The following KDM6B variants were observed in gnomAD, a reference collection of about 807,000 sequenced individuals.
KDM6B encodes lysine demethylase 6B, also known as lysine-specific demethylase 6B.
A neutral mutation model predicts 150.4 loss-of-function variants in KDM6B; 22 were observed. The observed-to-expected ratio is 0.15, with a 90% CI of 0.10 to 0.21. The LOEUF (loss-of-function observed/expected upper bound fraction) is 0.21, where lower values mean the gene tolerates loss of function less well. Among genes scored for constraint, KDM6B ranks in the 10% least tolerant of loss-of-function variants. KDM6B has a pLI of 1.00. For synonymous variants in KDM6B, 1,148 were observed against 921.1 expected (o/e 1.25, Z -4.46); for missense variants, 1,984 against 2,234.3 (o/e 0.89, Z 2.26).
chr17:7,852,787 G>C (rs968456075), intron 21 of KDM6B, 151 bp downstream of exon 21: 1 of 1,298,236 alleles, frequency 7.7e-7, no homozygotes, highest in African/African-American at 1.5e-5. Context: ...CTAGGTCCTT[G>C]CTGTCATGAC....
chr17:7,847,279 G>C lies in KDM6B; in HGVS notation c.1084G>C (p.Glu362Gln). The change falls in exon 11 of 24, where the codon GAG (glutamate) becomes CAG (glutamine). Residue 362 changes from glutamate (E) to glutamine (Q), a missense_variant. This residue lies in a region of KDM6B where 1,379 missense variants were observed against 1,275.6 expected (regional missense o/e 1.08). Coordinates refer to ENST00000448097, the MANE Select transcript of KDM6B (RefSeq NM_001348716.2). ...ATRPPGSDLR[E>Q]SRVQRSRMDS... is the part of the protein sequence containing the mutation. ...CCGTCCCCCCGGAAGTGACCTTAGA[G>C]AGAGCAGAGTTCAGAGGTCGCGGAT... is the stretch of plus-strand genomic sequence containing the variant. 7 of 1,605,250 alleles carry C rather than the reference G, an allele frequency of 4.4e-6. No individual in the cohort carries two copies. Among genetic ancestry groups the C allele is most frequent in the Non-Finnish European group, 5.9e-6 (7 of 1,179,792 alleles).
At position 7,847,389 on chromosome 17, in the gene KDM6B, CAGCAGCAGCAGT is replaced by C. The variant is rs1433963930; in HGVS notation, c.1206_1217del (p.Ser403_Ser406del). On this transcript the variant is annotated inframe_deletion, in exon 11 of 24. Coordinates refer to ENST00000448097, the MANE Select transcript of KDM6B (RefSeq NM_001348716.2). ...CCCCTGGCCTCCCCGGCACCACCAC[CAGCAGCAGCAGT>C]AGCAGCAGCAGCAACACTGGTCTCC... 13 of 1,613,258 alleles carry C rather than the reference CAGCAGCAGCAGT, an allele frequency of 8.1e-6. No individual in the cohort carries two copies. The highest frequency in any genetic ancestry group is 1.1e-5 in the Non-Finnish European group (13 of 1,179,994).
intron 1 of KDM6B, among the ~76,000 whole-genome samples, chr17:7,835,769 C>T (rs998852814): frequency 1.3e-5 from 2 of 151,528 alleles, no homozygotes; most frequent in African/African-American, 4.8e-5. Context: ...GCGCCGCACG[C>T]GCCCGAGCAC....
chr17:7,846,037 GCCCAACCCCCA>G, intron 6 of KDM6B, 30 bp from the exon 7 acceptor site: 1 of 1,540,526 alleles, frequency 6.5e-7, no homozygotes, highest in Non-Finnish European at 8.9e-7. Context: ...GTCCCCTCAA[GCCCAACCCCCA>G]CCCACACCCC....
In KDM6B at chr17:7,843,417, C is replaced by CG. The variant is rs1187591808; in HGVS notation, c.-268-1480dup. Among the ~76,000 whole-genome samples the CG allele has an allele frequency of 2.6e-5, 4 of 152,136 alleles. No individual in the cohort carries two copies. The East Asian group carries it at 7.7e-4, about 29-fold the overall frequency. On this transcript the variant is annotated intron_variant, in intron 2 of 23. Transcript: ENST00000448097. This position sits in a 1 kb window ranked among gnomAD's most constrained non-coding sequence, Gnocchi z 4.5. The stretch of plus-strand genomic sequence containing the variant: ...CCACGTGAACCGCGGAGAGGGTCCG[C>CG]GGGGCCCAAGCGACCACAAGGGCTT...
intron 2 of KDM6B, among the ~76,000 whole-genome samples, chr17:7,841,035 C>T (rs1243057065): frequency 6.6e-6 from 1 of 152,154 alleles, no homozygotes; most frequent in East Asian, 1.9e-4. Flanking sequence ...AGAAGCCTAG[C>T]TCTTTCATTC....
At position 7,846,767 on chromosome 17, in the gene KDM6B, A is replaced by G. The variant is rs749361030; in HGVS notation, c.711+27A>G. ...TGTGGGTATAGGGGGGCCAGCAGGC[A>G]GTAAGTAGGCAGGACTTGGGAATGG... On this transcript the variant is annotated intron_variant, in intron 9 of 23. Coordinates refer to ENST00000448097, the MANE Select transcript of KDM6B (RefSeq NM_001348716.2). The G allele has an allele frequency of 6.2e-6, 10 of 1,613,868 alleles. No homozygotes were observed. In the East Asian group the frequency reaches 2.2e-4, roughly 36 times the overall value.
In KDM6B at chr17:7,852,263, T is replaced by C. The variant is rs2078712465; in HGVS notation, c.4395T>C (p.Asn1465=). 13 of 1,613,984 alleles carry C rather than the reference T, an allele frequency of 8.1e-6. No homozygotes were observed. The highest frequency in any genetic ancestry group is 1.1e-5 in the Non-Finnish European group (13 of 1,180,054). ...GACCCGGAGACCTCGTGTGGATTAA[T>C]GCGGGGACTGTGCACTGGGTGCAGG... ...VQRPGDLVWI[N]AGTVHWVQAT... The change falls in exon 20 of 24, where the codon AAT becomes AAC. Residue 1465 remains asparagine, a synonymous_variant. Transcript: ENST00000448097.
chr17:7,846,896 A>ACCACCACCACCACCG lies in KDM6B; in HGVS notation c.791_792insACCACCACCACCGCC (p.Pro260_Pro264dup). On this transcript the variant is annotated inframe_insertion, in exon 10 of 24. Transcript: ENST00000448097. ...CACCACCACCACCACCACCACCACCACCCCTGCCTGGCCTGGCTACCAGCC... is the reference window on the plus strand; with the variant it reads ...CACCACCACCACCACCACCACCACCACCACCACCACCACCGCCCCTGCCTGGCCTGGCTACCAGCC... The ACCACCACCACCACCG allele has an allele frequency of 1.5e-6, 2 of 1,365,138 alleles. No individual in the cohort carries two copies. Among genetic ancestry groups the ACCACCACCACCACCG allele is most frequent in the Non-Finnish European group, 2.0e-6 (2 of 1,009,624 alleles). 84.6% of individuals were successfully genotyped at this position (1,365,138 alleles called of 1,614,324 possible). A position where few individuals can be genotyped will look rare whatever the true frequency, so the allele number is the denominator to read the frequency against.
rs143632454 is a variant in KDM6B, at chr17:7,846,617, G to C, written c.588G>C (p.Pro196=). The C allele has an allele frequency of 2.5e-6, 4 of 1,614,054 alleles. No individual in the cohort carries two copies. Among genetic ancestry groups the C allele is most frequent in the Non-Finnish European group, 8.5e-7 (1 of 1,179,982 alleles). ...RNYGAKRGGP[P]VKRAAEPPVV... is the part of the protein sequence containing the mutation. Reference sequence around the variant, plus strand: ...ATGGAGCCAAGCGGGGAGGTCCCCCGGTGAAGCGAGCTGCTGAACCCCCAG... The same window carrying C: ...ATGGAGCCAAGCGGGGAGGTCCCCCCGTGAAGCGAGCTGCTGAACCCCCAG... The change falls in exon 9 of 24, where the codon CCG becomes CCC. Residue 196 remains proline (P), a synonymous_variant. Coordinates refer to ENST00000448097, the MANE Select transcript of KDM6B (RefSeq NM_001348716.2).
Position 7,845,918 on chromosome 17 carries a change from C to G in KDM6B, c.184C>G (p.Pro62Ala), listed in dbSNP as rs144535196. ...GQPPLPAPLP[P>A]SHGSSSGHPS... is the part of the protein sequence containing the mutation. ...GCCCCCGCTTCCTGCTCCCCTACCC[C>G]CTTCACATGGCAGTAGTTCTGGGCA... The change falls in exon 6 of 24, where the codon CCT becomes GCT. Residue 62 changes from proline (P) to alanine (A), a missense_variant. Pro to Ala is a conservative substitution (Grantham distance 27). Around this residue, in one of 13 missense-constraint regions of KDM6B, gnomAD observed 337 missense variants for 323.9 expected, o/e 1.04. Coordinates refer to ENST00000448097, the MANE Select transcript of KDM6B (RefSeq NM_001348716.2). 7 of 1,614,172 alleles carry G rather than the reference C, an allele frequency of 4.3e-6. No homozygotes were observed. Among genetic ancestry groups the G allele is most frequent in the South Asian group, 2.2e-5 (2 of 91,088 alleles).
At chr17:7,845,477 G>A (rs1400788776) in intron 4 of KDM6B, 21 bp downstream of exon 4, 2 of 1,587,428 alleles carry the variant, frequency 1.3e-6, no homozygotes, top group Admixed American at 1.7e-5. Flanking sequence ...CTCTGGGGCC[G>A]AGCTGGCTGG....
At chr17:7,842,690 C>G (rs1003427090) in intron 2 of KDM6B, among the ~76,000 whole-genome samples, 2 of 152,224 alleles carry the variant, frequency 1.3e-5, no homozygotes, top group East Asian at 3.9e-4. Flanking sequence ...GGAAATTCCG[C>G]GGGACCGGTG....
At position 7,852,475 on chromosome 17, in the gene KDM6B, T is replaced by G. The variant is rs1479382545; in HGVS notation, c.4469-20T>G. 4 of 1,605,864 alleles carry G rather than the reference T, an allele frequency of 2.5e-6. No homozygotes were observed. The highest frequency in any genetic ancestry group is 3.4e-6 in the Non-Finnish European group (4 of 1,176,382). ...TGGGGGCTGTTTGAGAGTCCTGTTG[T>G]GATCGCCTTTGGCCCGCAGCCTATC... On this transcript the variant is annotated intron_variant, in intron 20 of 23. Coordinates refer to ENST00000448097, the MANE Select transcript of KDM6B (RefSeq NM_001348716.2).
In KDM6B at chr17:7,848,969, C is replaced by T; in HGVS notation, c.2681C>T (p.Thr894Ile). The part of the protein sequence containing the change: ...AGEEPVPGPM[T>I]PTQPPPPLSL... ...GAAGAGCCAGTCCCGGGCCCCATGACCCCCACCCAACCGCCCCCACCCCTA... is the reference window on the plus strand; with the variant it reads ...GAAGAGCCAGTCCCGGGCCCCATGATCCCCACCCAACCGCCCCCACCCCTA... Residue 894 changes from threonine to isoleucine, a missense_variant, in exon 12 of 24, where the codon ACC (threonine) becomes ATC (isoleucine). By Grantham distance (89) the Thr-to-Ile change is moderately conservative (BLOSUM62 -1). Coordinates refer to ENST00000448097, the MANE Select transcript of KDM6B (RefSeq NM_001348716.2). 1.3e-6 allele frequency: 2 copies of T among 1,570,116 alleles called. No homozygotes were observed. The highest frequency in any genetic ancestry group is 2.3e-5 in the East Asian group (1 of 43,602).
intron 15 of KDM6B, 50 bp from the exon 16 acceptor site, chr17:7,851,280 G>A (rs1386552667): frequency 4.3e-6 from 7 of 1,613,452 alleles, no homozygotes; most frequent in Admixed American, 1.7e-5. Flanking sequence ...GCGGTGGGAG[G>A]GCTCTCGAAA....
At position 7,851,314 on chromosome 17, in the gene KDM6B, C is replaced by T. The variant is rs201824958; in HGVS notation, c.3880-16C>T. On this transcript the variant is annotated splice_polypyrimidine_tract_variant and intron_variant, in intron 15 of 23. Coordinates refer to ENST00000448097, the MANE Select transcript of KDM6B (RefSeq NM_001348716.2). ...AAGGTCTCTGACCCAGGCCTGCCTACCCTCTGGCTGAACAGGAGGAGAAGG... is the reference window on the plus strand; with the variant it reads ...AAGGTCTCTGACCCAGGCCTGCCTATCCTCTGGCTGAACAGGAGGAGAAGG... The T allele has an allele frequency of 7.4e-6, 12 of 1,614,024 alleles. 1 individual carries two copies. In the Admixed American group the frequency reaches 1.2e-4, roughly 16 times the overall value.
At position 7,845,545 on chromosome 17, in the gene KDM6B, C is replaced by T; in HGVS notation, c.-5-5C>T. 6.2e-7 allele frequency: 1 copy of T among 1,614,126 alleles called. No individual in the cohort carries two copies. ...TAAGAGCATAATTTCTTATCCCCAA[C>T]TCAGGCTGGATGCATCGGGCAGTGG... On this transcript the variant is annotated splice_region_variant and splice_polypyrimidine_tract_variant and intron_variant, in intron 4 of 23. Transcript: ENST00000448097.
chr17:7,846,371 G>GGGGCGGGGCCGGGGCCCCCCCCCCCC, intron 7 of KDM6B, 29 bp from the exon 8 acceptor site: 1 of 1,488,926 alleles, frequency 6.7e-7, no homozygotes, highest in Non-Finnish European at 9.2e-7. Context: ...CCTGACATCT[G>GGGGCGGGGCCGGGGCCCCCCCCCCCC]CCCCTGCCCC....
Sources: gnomAD v4.1 joint callset for allele counts (sites outside exome capture counted in the v4.1 genomes callset) on GRCh38, gnomAD v4.1.1 for gene constraint, gnomAD v4.1.1 regional missense constraint, Gnocchi (gnomAD v3.1) non-coding constraint, MANE v1.5 for transcripts, NCBI Gene and HGNC (gene_info 2026-07-23, HGNC 2026-07-21) for gene names.